The following ZNF25 variants were observed in gnomAD, a reference collection of about 807,000 sequenced individuals.
The protein encoded by ZNF25 is zinc finger protein 25, also known as zinc finger protein 25 (KOX 19).
A neutral mutation model predicts 30.9 loss-of-function variants in ZNF25; 21 were observed. That is an observed-to-expected ratio of 0.68 (90% CI 0.48 to 0.98). The LOEUF (loss-of-function observed/expected upper bound fraction) is 0.98. ZNF25 is among the 50% of genes least tolerant of loss of function. The probability of loss-of-function intolerance (pLI) is 0.00; values close to 1 mark genes in which losing one functional copy is unlikely to be tolerated. For missense variants in ZNF25, 501 were observed against 529.9 expected (o/e 0.95, Z 0.54); for synonymous variants, 169 against 181.3 (o/e 0.93, Z 0.55).
chr10:37,966,785 G>A (rs1215011463), intron 2 of ZNF25, among the ~76,000 whole-genome samples: 1 of 152,066 alleles, frequency 6.6e-6, no homozygotes, highest in African/African-American at 2.4e-5. Context: ...TATCACGGAG[G>A]AATTAAAGGA....
intron 2 of ZNF25, among the ~76,000 whole-genome samples, chr10:37,963,068 TTA>T (rs1012375072): frequency 1.4e-5 from 2 of 139,724 alleles, no homozygotes; most frequent in African/African-American, 2.6e-5. Flanking sequence ...TTTTTTTTTT[TTA>T]AACCATCAAC....
intron 2 of ZNF25, among the ~76,000 whole-genome samples, chr10:37,962,506 A>G (rs563489100): frequency 2.0e-5 from 3 of 152,336 alleles, no homozygotes; most frequent in East Asian, 1.9e-4. Context: ...TACCAAATAC[A>G]TTCTCTGAAC....
chr10:37,976,083 C>T (rs2135479551), intron 1 of ZNF25, among the ~76,000 whole-genome samples: 1 of 152,306 alleles, frequency 6.6e-6, no homozygotes, highest in South Asian at 2.1e-4. Flanking sequence ...TTTATTGAGT[C>T]CTGTATCATA....
chr10:37,957,762 T>C lies in ZNF25; in HGVS notation c.16-216A>G, dbSNP rs181300920. Reference sequence around the variant, plus strand: ...TCCATGCCTGGAACTCTGCTGAAGATACAAAGATGAAGAAAAAAAATGAGT... The same window carrying C: ...TCCATGCCTGGAACTCTGCTGAAGACACAAAGATGAAGAAAAAAAATGAGT... On this transcript the variant is annotated intron_variant, in intron 2 of 5. Coordinates refer to ENST00000302609, the MANE Select transcript of ZNF25 (RefSeq NM_145011.4). Among the ~76,000 whole-genome samples, 6 of 152,292 alleles carry C rather than the reference T, an allele frequency of 3.9e-5. No individual in the cohort carries two copies. The East Asian group carries it at 1.2e-3, about 29-fold the overall frequency.
intron 4 of ZNF25, among the ~76,000 whole-genome samples, chr10:37,954,239 C>T (rs183376024): frequency 6.6e-6 from 1 of 152,350 alleles, no homozygotes; most frequent in Non-Finnish European, 1.5e-5. Flanking sequence ...ACCTAGATTA[C>T]TGTGCTAGGA....
chr10:37,957,304 A>G (rs117720950), intron 3 of ZNF25, 116 bp downstream of exon 3: 1 of 1,395,946 alleles, frequency 7.2e-7, no homozygotes, highest in Non-Finnish European at 9.8e-7. Flanking sequence ...ATTAACTTCG[A>G]CCTCTGAATC....
chr10:37,960,606 C>T (rs747859313), intron 2 of ZNF25, among the ~76,000 whole-genome samples: 8 of 113,098 alleles, frequency 7.1e-5, no homozygotes, highest in South Asian at 2.9e-4. Context: ...CCTGGGTGAC[C>T]GAGCAAGACT....
At chr10:37,967,082 T>G (rs1327780099) in intron 2 of ZNF25, among the ~76,000 whole-genome samples, 1 of 152,154 alleles carries the variant, frequency 6.6e-6, no homozygotes, top group African/African-American at 2.4e-5. Flanking sequence ...GCATCCTGTA[T>G]TCATGGACTG....
At chr10:37,963,615 T>C (rs1334143102) in intron 2 of ZNF25, among the ~76,000 whole-genome samples, 1 of 152,148 alleles carries the variant, frequency 6.6e-6, no homozygotes, top group Non-Finnish European at 1.5e-5. Context: ...CTCTTATGGA[T>C]GGTTTAGCAC....
At chr10:37,957,362 G>A in intron 3 of ZNF25, 58 bp downstream of exon 3, 1 of 1,574,332 alleles carries the variant, frequency 6.4e-7, no homozygotes, top group Non-Finnish European at 8.6e-7. Flanking sequence ...TTATACTCCA[G>A]TAACTGAGAA....
At chr10:37,966,154 C>T (rs955453318) in intron 2 of ZNF25, among the ~76,000 whole-genome samples, 8 of 152,140 alleles carry the variant, frequency 5.3e-5, no homozygotes, top group Admixed American at 3.3e-4. Flanking sequence ...CGTGGTGGCT[C>T]ACTCCTGTAA....
In ZNF25 at chr10:37,953,777, T is replaced by C; in HGVS notation, c.239-19A>G. 3.7e-6 allele frequency: 6 copies of C among 1,601,862 alleles called. No homozygotes were observed. Among genetic ancestry groups the C allele is most frequent in the South Asian group, 1.1e-5 (1 of 90,754 alleles). ...AGGTCTTCTACAAGGGAACCAAAAA[T>C]GTAATACTTTATAAATACTACACAT... On this transcript the variant is annotated intron_variant, in intron 4 of 5. Coordinates refer to ENST00000302609, the MANE Select transcript of ZNF25 (RefSeq NM_145011.4).
Position 37,952,142 on chromosome 10 carries a change from C to T in ZNF25, c.1356G>A (p.Arg452=). 1 of 1,567,622 alleles carries T rather than the reference C, an allele frequency of 6.4e-7. No individual in the cohort carries two copies. The highest frequency in any genetic ancestry group is 8.6e-7 in the Non-Finnish European group (1 of 1,159,538). ...CCAACTCATCTTACTTCTCAGCATT[C>T]CTCTTCTTTGTGTGTGTCTTCTGAT... The part of the protein sequence containing the change: ...TAHQKTHTKK[R]NAEK The change falls in exon 6 of 6, where the codon AGG becomes AGA. Residue 452 remains arginine, a synonymous_variant. Transcript: ENST00000302609.
Position 37,952,998 on chromosome 10 carries a change from A to AT in ZNF25, c.499dup (p.Ile167AsnfsTer6), listed in dbSNP as rs763158106. The AT allele has an allele frequency of 1.2e-6, 2 of 1,613,762 alleles. No individual in the cohort carries two copies. Among genetic ancestry groups the AT allele is most frequent in the South Asian group, 2.2e-5 (2 of 91,068 alleles). ...CTCATAGGTTTTATCTCTCGTGTGA[A>AT]TTTTCTGATGTCTTATGAGGTCTTC... On this transcript the variant is annotated frameshift_variant, in exon 6 of 6. Transcript: ENST00000302609. LOFTEE classifies it high-confidence loss of function.
rs759378797 is a variant in ZNF25 at position 37,952,543 on chromosome 10, A to C, written c.955T>G (p.Cys319Gly). 7 of 1,613,658 alleles carry C rather than the reference A, an allele frequency of 4.3e-6. No homozygotes were observed. ...GACTTCTGGTAGAAGCATTTCCTAC[A>C]TTCCTTACATTCATAGGGTTTCTCT... The part of the protein sequence containing the change: ...TGEKPYECKE[C>G]RKCFYQKSAL... Residue 319 changes from cysteine (C) to glycine (G), a missense_variant, in exon 6 of 6, where the codon TGT becomes GGT. Transcript: ENST00000302609.
chr10:37,958,209 A>G (rs1484450898), intron 2 of ZNF25, among the ~76,000 whole-genome samples: 1 of 152,206 alleles, frequency 6.6e-6, no homozygotes, highest in Non-Finnish European at 1.5e-5. Context: ...CATTACAGAA[A>G]CATGTATACA....
chr10:37,952,444 A>G lies in ZNF25; in HGVS notation c.1054T>C (p.Tyr352His). 3.1e-6 allele frequency: 5 copies of G among 1,613,722 alleles called. No individual in the cohort carries two copies. The highest frequency in any genetic ancestry group is 4.2e-6 in the Non-Finnish European group (5 of 1,179,882). ...FECNKCGKTF[Y>H]YKSDLTKHQR... Reference sequence around the variant, plus strand: ...TGTTTAGTGAGGTCTGATTTATAGTAAAATGTTTTCCCACATTTATTACAT... The same window carrying G: ...TGTTTAGTGAGGTCTGATTTATAGTGAAATGTTTTCCCACATTTATTACAT... Residue 352 changes from tyrosine to histidine, a missense_variant, in exon 6 of 6, where the codon TAC becomes CAC. Transcript: ENST00000302609.
chr10:37,967,154 C>T (rs947301564), intron 2 of ZNF25, among the ~76,000 whole-genome samples: 1 of 152,108 alleles, frequency 6.6e-6, no homozygotes. Flanking sequence ...TCAAACCAGT[C>T]CCTATCAAAC....
chr10:37,971,725 T>C lies in ZNF25; in HGVS notation c.-3A>G. ...TGACTCACCTGGAACTTGTTCATTT[T>C]CTGCTGCTCTTGGGAAAGGCTGAAA... is the stretch of plus-strand genomic sequence containing the variant. On this transcript the variant is annotated 5_prime_UTR_variant, in exon 2 of 6. Transcript: ENST00000302609. The C allele has an allele frequency of 5.0e-6, 8 of 1,614,080 alleles. No individual in the cohort carries two copies. Among genetic ancestry groups the C allele is most frequent in the Non-Finnish European group, 6.8e-6 (8 of 1,180,022 alleles).
Sources: allele counts gnomAD v4.1 joint callset (sites outside exome capture counted in the v4.1 genomes callset), GRCh38; gene constraint gnomAD v4.1.1; transcripts MANE v1.5; gene names NCBI Gene and HGNC (gene_info 2026-07-23, HGNC 2026-07-21).